The following LRMDA variants were observed in gnomAD, a reference collection of about 807,000 sequenced individuals.
LRMDA encodes leucine rich melanocyte differentiation associated, also known as leucine-rich melanocyte differentiation-associated protein.
A neutral mutation model predicts 29.8 loss-of-function variants in LRMDA; 18 were observed. The ratio of observed to expected loss-of-function variants is 0.60; its 90% CI spans 0.42 to 0.90. The LOEUF (loss-of-function observed/expected upper bound fraction) is 0.90. Ranked by LOEUF, LRMDA falls within the 40% of genes least tolerant of loss-of-function variation. The pLI is 0.00. For missense variants in LRMDA, 273 were observed against 273.9 expected, an observed-to-expected ratio of 1.00 and a Z score of 0.02; for synonymous variants, 125 against 109.4, an observed-to-expected ratio of 1.14 and a Z score of -0.89.
chr10:76,059,100 C>T (rs960513374), intron 5 of LRMDA, among the ~76,000 whole-genome samples: 4 of 152,054 alleles, frequency 2.6e-5, no homozygotes, highest in Non-Finnish European at 5.9e-5. Flanking sequence ...AAGAGGAAAG[C>T]ATTGGGCATG....
chr10:76,071,785 C>T (rs1024054638), intron 5 of LRMDA, among the ~76,000 whole-genome samples: 1 of 152,130 alleles, frequency 6.6e-6, no homozygotes, highest in Non-Finnish European at 1.5e-5. Flanking sequence ...GTTAAACTGC[C>T]AGATTTACAA....
At chr10:75,624,366 T>C (rs1841225066) in intron 2 of LRMDA, among the ~76,000 whole-genome samples, 1 of 152,188 alleles carries the variant, frequency 6.6e-6, no homozygotes, top group Non-Finnish European at 1.5e-5. Flanking sequence ...TTAGAATATG[T>C]CTTTTTATCC....
intron 6 of LRMDA, among the ~76,000 whole-genome samples, chr10:76,372,548 G>A (rs1230308445): frequency 6.6e-6 from 1 of 151,908 alleles, no homozygotes; most frequent in Non-Finnish European, 1.5e-5. Context: ...AGGAGGCAGA[G>A]GAATGCAGTG....
At chr10:75,653,780 T>C (rs1384432840) in intron 2 of LRMDA, among the ~76,000 whole-genome samples, 1 of 152,220 alleles carries the variant, frequency 6.6e-6, no homozygotes, top group Non-Finnish European at 1.5e-5. Flanking sequence ...TGTGTGAAAA[T>C]GCACTCCTTG....
chr10:76,422,337 G>T lies in LRMDA; in HGVS notation c.601+97852G>T, dbSNP rs566146299. 2.6e-5 allele frequency among the ~76,000 whole-genome samples: 4 copies of T among 152,078 alleles called. No homozygotes were observed. The South Asian group carries it at 8.4e-4, about 32-fold the overall frequency. On this transcript the variant is annotated intron_variant, in intron 6 of 6. Coordinates refer to ENST00000611255, the MANE Select transcript of LRMDA (RefSeq NM_001305581.2). ...CTTAGTAACTCACTGAGGCCCTGAC[G>T]TAAGATTTTCTACACATATTTAGCT...
intron 2 of LRMDA, among the ~76,000 whole-genome samples, chr10:75,807,382 C>T (rs1236358862): frequency 6.6e-6 from 1 of 152,202 alleles, no homozygotes; most frequent in African/African-American, 2.4e-5. Flanking sequence ...AGCGATGGGG[C>T]AGGATGGCTC....
At chr10:76,205,807 T>C (rs1851523716) in intron 5 of LRMDA, among the ~76,000 whole-genome samples, 1 of 152,052 alleles carries the variant, frequency 6.6e-6, no homozygotes, top group Non-Finnish European at 1.5e-5. Context: ...TGTTGTGAAG[T>C]AACTCTTGGG....
At chr10:75,499,829 G>T (rs1057080967) in intron 2 of LRMDA, among the ~76,000 whole-genome samples, 1 of 152,158 alleles carries the variant, frequency 6.6e-6, no homozygotes. Context: ...GTACCAAGGT[G>T]TCTAGAGCCA....
Position 75,997,606 on chromosome 10 carries a change from A to G in LRMDA, c.132-38402A>G, listed in dbSNP as rs1017125679. Among the ~76,000 whole-genome samples, 15 of 152,274 alleles carry G rather than the reference A, an allele frequency of 9.9e-5. No homozygotes were observed. In the East Asian group the frequency reaches 1.7e-3, roughly 18 times the overall value. ...GATAGAAAGTCAGGGATTTTATCCA[A>G]ATTTGATGGTGGGAAAACTGAAGAT... On this transcript the variant is annotated intron_variant, in intron 2 of 6. Transcript: ENST00000611255.
chr10:76,088,692 T>C (rs1207785021), intron 5 of LRMDA, among the ~76,000 whole-genome samples: 2 of 152,324 alleles, frequency 1.3e-5, no homozygotes, highest in East Asian at 3.9e-4. Flanking sequence ...CTTTTTGAAA[T>C]ATATTGGTTA....
At chr10:75,665,525 TA>T (rs1026341950) in intron 2 of LRMDA, among the ~76,000 whole-genome samples, 72 of 152,034 alleles carry the variant, frequency 4.7e-4, no homozygotes, top group African/African-American at 1.6e-3. Context: ...TAAAGTATAA[TA>T]AAAAAAATGC....
chr10:76,139,772 A>T (rs1215027843), intron 5 of LRMDA, among the ~76,000 whole-genome samples: 1 of 152,158 alleles, frequency 6.6e-6, no homozygotes, highest in African/African-American at 2.4e-5. Flanking sequence ...AAGAGACCTG[A>T]CTGTTATGTC....
chr10:76,132,085 C>T (rs1850003739), intron 5 of LRMDA, among the ~76,000 whole-genome samples: 1 of 152,102 alleles, frequency 6.6e-6, no homozygotes, highest in Non-Finnish European at 1.5e-5. Context: ...GTAAGTCTTC[C>T]ACTTGTGAGG....
chr10:75,521,606 C>T (rs1487702000), intron 2 of LRMDA, among the ~76,000 whole-genome samples: 1 of 152,148 alleles, frequency 6.6e-6, no homozygotes, highest in Non-Finnish European at 1.5e-5. Flanking sequence ...TTTCCCAGTA[C>T]AGTCTCTAAT....
At chr10:76,326,434 TTTG>T (rs1358558131) in intron 6 of LRMDA, among the ~76,000 whole-genome samples, 3 of 152,212 alleles carry the variant, frequency 2.0e-5, no homozygotes, top group Non-Finnish European at 4.4e-5. Flanking sequence ...TTGAATGTCA[TTTG>T]TTAATACCTT....
chr10:76,537,079 A>G (rs758174563), intron 6 of LRMDA, among the ~76,000 whole-genome samples: 3 of 152,182 alleles, frequency 2.0e-5, no homozygotes, highest in Admixed American at 6.5e-5. Context: ...AATAATTACT[A>G]TCATCATTAT....
intron 2 of LRMDA, among the ~76,000 whole-genome samples, chr10:76,014,149 T>TATATAATAAAAAAAA: frequency 7.1e-6 from 1 of 141,136 alleles, no homozygotes; most frequent in African/African-American, 2.6e-5. Flanking sequence ...TATATAATTA[T>TATATAATAAAAAAAA]ATATATATAT....
intron 2 of LRMDA, among the ~76,000 whole-genome samples, chr10:75,690,981 AT>A (rs1554820531): frequency 0.017 from 1,432 of 86,634 alleles, 24 homozygotes; most frequent in African/African-American, 0.02. Context: ...AAAAAAAAAT[AT>A]ATATATATAT....
At chr10:76,549,787 C>T (rs1415931366) in intron 6 of LRMDA, among the ~76,000 whole-genome samples, 2 of 152,022 alleles carry the variant, frequency 1.3e-5, no homozygotes, top group East Asian at 3.9e-4. Context: ...AAAAACTGAC[C>T]AAAGATTTAT....
Sources: allele counts gnomAD v4.1 joint callset (sites outside exome capture counted in the v4.1 genomes callset), GRCh38; gene constraint gnomAD v4.1.1; transcripts MANE v1.5; gene names NCBI Gene and HGNC (gene_info 2026-07-23, HGNC 2026-07-21).